The following CUBN variants were observed in gnomAD, a reference collection of about 807,000 sequenced individuals.
CUBN encodes cubilin.
In CUBN, 282 loss-of-function variants were observed where a neutral mutation model predicts 405.3. The ratio of observed to expected loss-of-function variants is 0.70; its 90% CI spans 0.63 to 0.77. The LOEUF is 0.77. Among genes scored for constraint, CUBN ranks in the 30% least tolerant of loss-of-function variants. The pLI is 0.00. For synonymous variants in CUBN, 1,684 were observed against 1,617.0 expected, an observed-to-expected ratio of 1.04 and a Z score of -0.99; for missense variants, 4,514 against 4,475.2, an observed-to-expected ratio of 1.01 and a Z score of -0.25.
At chr10:16,932,987 C>T (rs1175343290) in intron 40 of CUBN, 100 bp downstream of exon 40, 1 of 1,284,768 alleles carries the variant, frequency 7.8e-7, no homozygotes, top group Non-Finnish European at 1.1e-6. Flanking sequence ...TGTGTAATTC[C>T]AAACCAAACG....
chr10:17,112,541 A>C (rs1246910256), intron 8 of CUBN, among the ~76,000 whole-genome samples: 2 of 152,152 alleles, frequency 1.3e-5, no homozygotes, highest in African/African-American at 4.8e-5. Flanking sequence ...AATTTAAATA[A>C]TTTATTTTTC....
chr10:16,844,468 T>A (rs905336351), intron 60 of CUBN, among the ~76,000 whole-genome samples: 1 of 152,162 alleles, frequency 6.6e-6, no homozygotes, highest in African/African-American at 2.4e-5. Context: ...TGAAGTTCCA[T>A]ACATTTCATC....
chr10:17,000,903 G>T (rs948682524), intron 28 of CUBN, among the ~76,000 whole-genome samples: 37 of 152,196 alleles, frequency 2.4e-4, no homozygotes, highest in Non-Finnish European at 5.0e-4. Flanking sequence ...TCTTCCGGTG[G>T]GTTCTTGGTC....
chr10:17,000,745 C>T (rs1191019882), intron 28 of CUBN, among the ~76,000 whole-genome samples: 1 of 152,166 alleles, frequency 6.6e-6, no homozygotes, highest in Non-Finnish European at 1.5e-5. Context: ...TGTTCTGATT[C>T]CATTGCTTAG....
chr10:16,889,355 T>C (rs1213668582), intron 55 of CUBN, among the ~76,000 whole-genome samples: 2 of 152,194 alleles, frequency 1.3e-5, no homozygotes, highest in African/African-American at 4.8e-5. Flanking sequence ...CTGTATTACT[T>C]CCTCTAATTC....
rs1837198636 is a variant in CUBN at position 17,126,662 on chromosome 10, T to G, written c.387+99A>C. On this transcript the variant is annotated intron_variant, in intron 4 of 66. Coordinates refer to ENST00000377833, the MANE Select transcript of CUBN (RefSeq NM_001081.4). ...ATGGGAAAAAGCAAGTTTTTAATAT[T>G]AATCATCCATTCACCTTCAAAATAA... 2.3e-6 allele frequency: 3 copies of G among 1,310,884 alleles called. No individual in the cohort carries two copies. In the East Asian group the frequency reaches 7.0e-5, roughly 30 times the overall value. 81.2% of individuals were successfully genotyped at this position (1,310,884 alleles called of 1,614,324 possible). A position where few individuals can be genotyped will look rare whatever the true frequency, so the allele number is the denominator to read the frequency against.
chr10:17,051,070 A>G (rs1428012718), intron 22 of CUBN, among the ~76,000 whole-genome samples: 2 of 151,960 alleles, frequency 1.3e-5, no homozygotes, highest in African/African-American at 4.8e-5. Context: ...AAAAAAAGAG[A>G]GAAAATATGG....
chr10:16,867,910 A>C (rs1424395293), intron 59 of CUBN, among the ~76,000 whole-genome samples: 1 of 152,164 alleles, frequency 6.6e-6, no homozygotes, highest in Non-Finnish European at 1.5e-5. Flanking sequence ...GAGATTGTTA[A>C]CACAACAATT....
chr10:17,029,356 T>C (rs1020544081), intron 27 of CUBN, among the ~76,000 whole-genome samples: 3 of 152,240 alleles, frequency 2.0e-5, no homozygotes, highest in African/African-American at 2.4e-5. Flanking sequence ...TCTTTCAATT[T>C]TTTATAACTA....
chr10:16,858,040 A>T (rs369669671), intron 59 of CUBN, among the ~76,000 whole-genome samples: 53 of 152,302 alleles, frequency 3.5e-4, no homozygotes, highest in African/African-American at 1.3e-3. Context: ...GACCAAAATT[A>T]AAAAACAATA....
At position 16,948,451 on chromosome 10, in the gene CUBN, C is replaced by T. The variant is rs568571221; in HGVS notation, c.5209+27G>A. ...ATTTCTACCACATCCCTTTTAACCG[C>T]TAGAGTCAGGTGCTAGGGTTTCTTA... On this transcript the variant is annotated intron_variant, in intron 35 of 66. Transcript: ENST00000377833. The T allele has an allele frequency of 5.1e-5, 83 of 1,613,392 alleles. 1 individual carries two copies. The South Asian group carries it at 8.7e-4, about 17-fold the overall frequency.
intron 56 of CUBN, among the ~76,000 whole-genome samples, chr10:16,878,265 G>A (rs914436202): frequency 3.3e-5 from 5 of 152,118 alleles, no homozygotes; most frequent in Admixed American, 6.5e-5. Flanking sequence ...TCCAGCCTGG[G>A]TGATAGCACA....
At chr10:16,866,636 T>A (rs902080708) in intron 59 of CUBN, among the ~76,000 whole-genome samples, 1 of 152,224 alleles carries the variant, frequency 6.6e-6, no homozygotes, top group African/African-American at 2.4e-5. Context: ...GATTTGCAGA[T>A]TATTTCAGAG....
intron 12 of CUBN, among the ~76,000 whole-genome samples, chr10:17,104,193 A>G (rs1329093589): frequency 3.3e-5 from 5 of 152,238 alleles, no homozygotes; most frequent in Non-Finnish European, 7.3e-5. Flanking sequence ...AAAATGGCAA[A>G]TACTAATGTA....
intron 14 of CUBN, among the ~76,000 whole-genome samples, chr10:17,094,052 T>C (rs1217845861): frequency 1.3e-5 from 2 of 152,032 alleles, no homozygotes; most frequent in Admixed American, 6.6e-5. Flanking sequence ...AAGCAACCTA[T>C]AGATTCAAAA....
chr10:16,842,254 G>A (rs1445331092), intron 60 of CUBN, among the ~76,000 whole-genome samples: 5 of 151,928 alleles, frequency 3.3e-5, no homozygotes, highest in African/African-American at 1.2e-4. Flanking sequence ...ATGTTGTCCA[G>A]GCTAAACTTG....
chr10:17,103,025 G>C, intron 13 of CUBN, 100 bp downstream of exon 13: 1 of 788,876 alleles, frequency 1.3e-6, no homozygotes, highest in African/African-American at 1.7e-5. Flanking sequence ...TATGATAGTT[G>C]AATTATCATT....
At chr10:16,908,144 TTTTA>T (rs1488088834) in intron 48 of CUBN, among the ~76,000 whole-genome samples, 1 of 152,088 alleles carries the variant, frequency 6.6e-6, no homozygotes, top group African/African-American at 2.4e-5. Context: ...TTACTTTAAT[TTTTA>T]TTTATTTATT....
intron 66 of CUBN, among the ~76,000 whole-genome samples, chr10:16,828,213 C>T (rs1166463297): frequency 1.3e-5 from 2 of 151,930 alleles, no homozygotes; most frequent in African/African-American, 4.8e-5. Flanking sequence ...TGGGAAATCC[C>T]GATTCAGTGG....
Sources: allele counts gnomAD v4.1 joint callset (sites outside exome capture counted in the v4.1 genomes callset), GRCh38; gene constraint gnomAD v4.1.1; transcripts MANE v1.5; gene names NCBI Gene and HGNC (gene_info 2026-07-23, HGNC 2026-07-21).